The following ATXN7L3B variants were observed in gnomAD, a reference collection of about 807,000 sequenced individuals.
The protein encoded by ATXN7L3B is ataxin 7 like 3B.
A neutral mutation model predicts 6.3 loss-of-function variants in ATXN7L3B; 4 were observed. That is an observed-to-expected ratio of 0.63 (90% CI 0.31 to 1.45). The LOEUF (loss-of-function observed/expected upper bound fraction) is 1.45. Ranked by LOEUF, ATXN7L3B falls within the 40% of genes most tolerant of loss-of-function variation. The probability of loss-of-function intolerance (pLI) is 0.07; values close to 1 mark genes in which losing one functional copy is unlikely to be tolerated. For missense variants in ATXN7L3B, 120 were observed against 118.5 expected (o/e 1.01, Z -0.06); for synonymous variants, 63 against 48.0 (o/e 1.31, Z -1.29).
Position 74,538,339 on chromosome 12 carries a change from C to G in ATXN7L3B, c.227C>G (p.Ser76Cys), listed in dbSNP as rs1286261069. The G allele has an allele frequency of 1.3e-6, 2 of 1,552,210 alleles. No individual in the cohort carries two copies. Among genetic ancestry groups the G allele is most frequent in the South Asian group, 1.2e-5 (1 of 84,064 alleles). ...GGAGCGTGCCGCCTCCCGCTTTGCT[C>G]CCTTCCCGGAGAACCTGGGAATGGG... Reference protein sequence around the residue: ...DKGACRLPLCSLPGEPGNGPD... With the variant: ...DKGACRLPLCCLPGEPGNGPD... Residue 76 changes from serine (S) to cysteine (C), a missense_variant, in exon 1 of 1, where the codon TCC (serine) becomes TGC (cysteine). Transcript: ENST00000519948.
rs1014461040 is a variant in ATXN7L3B at position 74,538,268 on chromosome 12, G to A, written c.156G>A (p.Glu52=). The change falls in exon 1 of 1, where the codon GAG becomes GAA. Residue 52 remains glutamate, a synonymous_variant. Coordinates refer to ENST00000519948, the MANE Select transcript of ATXN7L3B (RefSeq NM_001136262.2). The part of the protein sequence containing the change: ...KCGYFYLEFA[E]TGSVKDFGIQ... ...GCTACTTCTACCTGGAGTTCGCAGAGACTGGTAGCGTGAAGGATTTTGGCA... is the reference window on the plus strand; with the variant it reads ...GCTACTTCTACCTGGAGTTCGCAGAAACTGGTAGCGTGAAGGATTTTGGCA... 6.3e-6 allele frequency: 10 copies of A among 1,577,918 alleles called. No homozygotes were observed. In the South Asian group the frequency reaches 1.0e-4, roughly 17 times the overall value.
Position 74,538,616 on chromosome 12 carries a change from A to G in ATXN7L3B, c.*210A>G. The G allele has an allele frequency of 5.1e-6, 3 of 591,568 alleles. No individual in the cohort carries two copies. Among genetic ancestry groups the G allele is most frequent in the Non-Finnish European group, 9.1e-6 (3 of 327,944 alleles). 36.6% of individuals were successfully genotyped at this position (591,568 alleles called of 1,614,324 possible). On this transcript the variant is annotated 3_prime_UTR_variant, in exon 1 of 1. Transcript: ENST00000519948. ...TGGAGCAAGCTCTGAAGCCCTGGGC[A>G]GGAGGAGCTGCACAGCCTGCGGGCC...
At position 74,538,383 on chromosome 12, in the gene ATXN7L3B, C is replaced by G; in HGVS notation, c.271C>G (p.Arg91Gly). Residue 91 changes from arginine (R) to glycine (G), a missense_variant, in exon 1 of 1, where the codon CGC becomes GGC. Physicochemically the swap from Arg to Gly is moderately radical, Grantham distance 125 (BLOSUM62 -2). Transcript: ENST00000519948. ...PGNGPDQQLQ[R>G]SPPEFQ ...GAATGGGCCTGATCAGCAGCTGCAGCGCTCACCTCCGGAATTCCAGTAGCT... is the reference window on the plus strand; with the variant it reads ...GAATGGGCCTGATCAGCAGCTGCAGGGCTCACCTCCGGAATTCCAGTAGCT... 6.4e-7 allele frequency: 1 copy of G among 1,551,302 alleles called. No individual in the cohort carries two copies. The highest frequency in any genetic ancestry group is 8.7e-7 in the Non-Finnish European group (1 of 1,146,682).
chr12:74,538,382 G>C lies in ATXN7L3B; in HGVS notation c.270G>C (p.Gln90His), dbSNP rs775437612. The change falls in exon 1 of 1, where the codon CAG becomes CAC. Residue 90 changes from glutamine to histidine, a missense_variant. By Grantham distance (24) the Gln-to-His change is conservative. Transcript: ENST00000519948. ...GGAATGGGCCTGATCAGCAGCTGCA[G>C]CGCTCACCTCCGGAATTCCAGTAGC... ...EPGNGPDQQL[Q>H]RSPPEFQ is the part of the protein sequence containing the mutation. 10 of 1,551,362 alleles carry C rather than the reference G, an allele frequency of 6.4e-6. No homozygotes were observed. Among genetic ancestry groups the C allele is most frequent in the Middle Eastern group, 1.7e-4 (1 of 5,998 alleles).
rs58069390 is a variant in ATXN7L3B, at chr12:74,540,073, GTT to G, written c.*1678_*1679del. The G allele has an allele frequency of 1.1e-3, 176 of 155,910 alleles. No individual in the cohort carries two copies. The highest frequency in any genetic ancestry group is 3.5e-3 in the Middle Eastern group (1 of 286). The allele number at this position is 155,910 out of a possible 1,614,324, so 9.7% of individuals were successfully genotyped here. ...CCCAATTTCTTTTTTCTTGGCCTCTGTTTTTTTTTTTTCTTTCTTTTTCCCTT... is the reference window on the plus strand; with the variant it reads ...CCCAATTTCTTTTTTCTTGGCCTCTGTTTTTTTTTTCTTTCTTTTTCCCTT... On this transcript the variant is annotated 3_prime_UTR_variant, in exon 1 of 1. Coordinates refer to ENST00000519948, the MANE Select transcript of ATXN7L3B (RefSeq NM_001136262.2).
rs927910646 is a variant in ATXN7L3B at position 74,540,410 on chromosome 12, T to C, written c.*2004T>C. The C allele has an allele frequency of 6.0e-6, 1 of 167,078 alleles. No individual in the cohort carries two copies. Among genetic ancestry groups the C allele is most frequent in the Non-Finnish European group, 1.5e-5 (1 of 68,140 alleles). The allele number at this position is 167,078 out of a possible 1,614,324, so 10.3% of individuals were successfully genotyped here. A position where few individuals can be genotyped will look rare whatever the true frequency, so the allele number is the denominator to read the frequency against. On this transcript the variant is annotated 3_prime_UTR_variant, in exon 1 of 1. Transcript: ENST00000519948. ...ACCCTTGCTGTGCATGTATCAATCCTTATCCCAGAAGGTACTATTTAGACT... is the reference window on the plus strand; with the variant it reads ...ACCCTTGCTGTGCATGTATCAATCCCTATCCCAGAAGGTACTATTTAGACT...
Position 74,543,727 on chromosome 12 carries a change from A to G in ATXN7L3B, c.*5321A>G, listed in dbSNP as rs1436899498. 1 of 152,036 alleles carries G rather than the reference A, an allele frequency of 6.6e-6. No individual in the cohort carries two copies. The highest frequency in any genetic ancestry group is 1.9e-4 in the East Asian group (1 of 5,198). The allele number at this position is 152,036 out of a possible 1,614,324, so 9.4% of individuals were successfully genotyped here. A position where few individuals can be genotyped will look rare whatever the true frequency, so the allele number is the denominator to read the frequency against. On this transcript the variant is annotated 3_prime_UTR_variant, in exon 1 of 1. Coordinates refer to ENST00000519948, the MANE Select transcript of ATXN7L3B (RefSeq NM_001136262.2). ...AAATCATCACATTACCATTAGAGAA[A>G]ATCCATGTGAAAATTTGAACTGATA...
chr12:74,538,292 C>A lies in ATXN7L3B; in HGVS notation c.180C>A (p.Gly60=). The change falls in exon 1 of 1, where the codon GGC becomes GGA. Residue 60 remains glycine, a synonymous_variant. Transcript: ENST00000519948. ...AGACTGGTAGCGTGAAGGATTTTGG[C>A]ATTCAGCCAGTGGAAGACAAAGGAG... is the stretch of plus-strand genomic sequence containing the variant. ...FAETGSVKDF[G]IQPVEDKGAC... 6.4e-7 allele frequency: 1 copy of A among 1,561,484 alleles called. No homozygotes were observed. Among genetic ancestry groups the A allele is most frequent in the Non-Finnish European group, 8.7e-7 (1 of 1,152,794 alleles).
chr12:74,538,432 C>G lies in ATXN7L3B; in HGVS notation c.*26C>G, dbSNP rs1868780964. 1.3e-6 allele frequency: 2 copies of G among 1,541,166 alleles called. No homozygotes were observed. The highest frequency in any genetic ancestry group is 1.8e-6 in the Non-Finnish European group (2 of 1,140,984). Reference sequence around the variant, plus strand: ...CTGCAAAATGAGAGTCTGAAAGTGGCCAGGACAATAACATAGACTGGTCCT... The same window carrying G: ...CTGCAAAATGAGAGTCTGAAAGTGGGCAGGACAATAACATAGACTGGTCCT... On this transcript the variant is annotated 3_prime_UTR_variant, in exon 1 of 1. Coordinates refer to ENST00000519948, the MANE Select transcript of ATXN7L3B (RefSeq NM_001136262.2).
Position 74,543,640 on chromosome 12 carries a change from A to C in ATXN7L3B, c.*5234A>C, listed in dbSNP as rs1868951106. ...AAGATGTTAGCAAACCAACTCCTTT[A>C]AAATAACAAAAGTAAACATCAACAA... On this transcript the variant is annotated 3_prime_UTR_variant, in exon 1 of 1. Coordinates refer to ENST00000519948, the MANE Select transcript of ATXN7L3B (RefSeq NM_001136262.2). The C allele has an allele frequency of 6.6e-6, 1 of 152,048 alleles. No individual in the cohort carries two copies. The highest frequency in any genetic ancestry group is 2.1e-4 in the South Asian group (1 of 4,832). 9.4% of individuals were successfully genotyped at this position (152,048 alleles called of 1,614,324 possible).
rs1370721398 is a variant in ATXN7L3B at position 74,539,605 on chromosome 12, T to C, written c.*1199T>C. ...GGTGAACATCCAGACTGTCACCACT[T>C]TCTGTCTGCCGCTCGAAAGGGATAG... is the stretch of plus-strand genomic sequence containing the variant. On this transcript the variant is annotated 3_prime_UTR_variant, in exon 1 of 1. Transcript: ENST00000519948. 1 of 167,106 alleles carries C rather than the reference T, an allele frequency of 6.0e-6. No individual in the cohort carries two copies. Among genetic ancestry groups the C allele is most frequent in the Non-Finnish European group, 1.5e-5 (1 of 68,158 alleles). The allele number at this position is 167,106 out of a possible 1,614,324, so 10.4% of individuals were successfully genotyped here.
At position 74,541,405 on chromosome 12, in the gene ATXN7L3B, A is replaced by C. The variant is rs1258229613; in HGVS notation, c.*2999A>C. On this transcript the variant is annotated 3_prime_UTR_variant, in exon 1 of 1. Transcript: ENST00000519948. ...TTCCCCTATGGCTGCTGGTGTAAAT[A>C]AACTGCATCTCCCCATTGGTAAACA... The C allele has an allele frequency of 1.8e-5, 3 of 167,152 alleles. No homozygotes were observed. Among genetic ancestry groups the C allele is most frequent in the African/African-American group, 7.2e-5 (3 of 41,464 alleles). The allele number at this position is 167,152 out of a possible 1,614,324, so 10.4% of individuals were successfully genotyped here.
rs1226008780 is a variant in ATXN7L3B, at chr12:74,537,837, G to C, written c.-276G>C. 4.6e-6 allele frequency: 2 copies of C among 434,164 alleles called. No individual in the cohort carries two copies. Among genetic ancestry groups the C allele is most frequent in the South Asian group, 2.6e-5 (1 of 38,830 alleles). 26.9% of individuals were successfully genotyped at this position (434,164 alleles called of 1,614,324 possible). On this transcript the variant is annotated 5_prime_UTR_variant, in exon 1 of 1. Transcript: ENST00000519948. ...CGACAGGGGAGCGGAAGAGGCCCAG[G>C]AGGCTGGGTGAGGCGCTGAGACGGT...
Position 74,542,579 on chromosome 12 carries a change from C to G in ATXN7L3B, c.*4173C>G, listed in dbSNP as rs868519758. ...TATGATCTTTAAAGAAAAAAAAAAA[C>G]ACATTGCATACCTTTTAACTACCAA... On this transcript the variant is annotated 3_prime_UTR_variant, in exon 1 of 1. Coordinates refer to ENST00000519948, the MANE Select transcript of ATXN7L3B (RefSeq NM_001136262.2). The G allele has an allele frequency of 7.0e-6, 1 of 143,774 alleles. No homozygotes were observed. Among genetic ancestry groups the G allele is most frequent in the South Asian group, 2.2e-4 (1 of 4,590 alleles). 8.9% of individuals were successfully genotyped at this position (143,774 alleles called of 1,614,324 possible).
rs528573704 is a variant in ATXN7L3B at position 74,539,953 on chromosome 12, A to C, written c.*1547A>C. ...CTGTGTTCCTCCTGTCCCCTGCTCCACTGCCTATCTGGTGCCCCAGGTGCT... is the reference window on the plus strand; with the variant it reads ...CTGTGTTCCTCCTGTCCCCTGCTCCCCTGCCTATCTGGTGCCCCAGGTGCT... On this transcript the variant is annotated 3_prime_UTR_variant, in exon 1 of 1. Coordinates refer to ENST00000519948, the MANE Select transcript of ATXN7L3B (RefSeq NM_001136262.2). 1 of 167,572 alleles carries C rather than the reference A, an allele frequency of 6.0e-6. No homozygotes were observed. The highest frequency in any genetic ancestry group is 2.4e-5 in the African/African-American group (1 of 41,550). 10.4% of individuals were successfully genotyped at this position (167,572 alleles called of 1,614,324 possible).
rs1223375411 is a variant in ATXN7L3B, at chr12:74,543,662, A to G, written c.*5256A>G. On this transcript the variant is annotated 3_prime_UTR_variant, in exon 1 of 1. Transcript: ENST00000519948. The stretch of plus-strand genomic sequence containing the variant: ...TTTAAAATAACAAAAGTAAACATCA[A>G]CAAGTCAGTTTAATCACAGGATGGC... The G allele has an allele frequency of 1.3e-5, 2 of 151,812 alleles. No homozygotes were observed. Among genetic ancestry groups the G allele is most frequent in the East Asian group, 1.9e-4 (1 of 5,200 alleles). 9.4% of individuals were successfully genotyped at this position (151,812 alleles called of 1,614,324 possible).
chr12:74,541,370 G>T lies in ATXN7L3B; in HGVS notation c.*2964G>T, dbSNP rs1868893721. The T allele has an allele frequency of 6.0e-6, 1 of 167,048 alleles. No individual in the cohort carries two copies. The highest frequency in any genetic ancestry group is 1.5e-5 in the Non-Finnish European group (1 of 68,118). The allele number at this position is 167,048 out of a possible 1,614,324, so 10.3% of individuals were successfully genotyped here. ...ATCCTATACAGATAGCTGATTAACTGTATTCCCCTTTCCCCTATGGCTGCT... is the reference window on the plus strand; with the variant it reads ...ATCCTATACAGATAGCTGATTAACTTTATTCCCCTTTCCCCTATGGCTGCT... On this transcript the variant is annotated 3_prime_UTR_variant, in exon 1 of 1. Transcript: ENST00000519948.
At position 74,539,791 on chromosome 12, in the gene ATXN7L3B, C is replaced by T. The variant is rs540655708; in HGVS notation, c.*1385C>T. 6.0e-6 allele frequency: 1 copy of T among 167,232 alleles called. No homozygotes were observed. Among genetic ancestry groups the T allele is most frequent in the East Asian group, 1.9e-4 (1 of 5,178 alleles). 10.4% of individuals were successfully genotyped at this position (167,232 alleles called of 1,614,324 possible). On this transcript the variant is annotated 3_prime_UTR_variant, in exon 1 of 1. Transcript: ENST00000519948. ...TATCAAAACTACCCTCCACTTTATTCCCTGAGCGAGGGTTTATGAAGTATA... is the reference window on the plus strand; with the variant it reads ...TATCAAAACTACCCTCCACTTTATTTCCTGAGCGAGGGTTTATGAAGTATA...
In ATXN7L3B at chr12:74,538,088, T is replaced by A; in HGVS notation, c.-25T>A. 1 of 1,546,276 alleles carries A rather than the reference T, an allele frequency of 6.5e-7. No homozygotes were observed. The highest frequency in any genetic ancestry group is 8.8e-7 in the Non-Finnish European group (1 of 1,142,828). On this transcript the variant is annotated 5_prime_UTR_variant, in exon 1 of 1. Coordinates refer to ENST00000519948, the MANE Select transcript of ATXN7L3B (RefSeq NM_001136262.2). ...GCTGCCGTGAGTAAAACGAGCGCCC[T>A]CTCCGCACTCGTTTACAAATTAAAA...
Sources: gnomAD v4.1 joint callset for allele counts on GRCh38, gnomAD v4.1.1 for gene constraint, MANE v1.5 for transcripts, NCBI Gene and HGNC (gene_info 2026-07-23, HGNC 2026-07-21) for gene names.